Variants in RNASEH2C observed in about 807,000 individuals in gnomAD.
The protein encoded by RNASEH2C is RNase H1 small subunit.
In RNASEH2C, 20 loss-of-function variants were observed where a neutral mutation model predicts 16.3. That is an observed-to-expected ratio of 1.23 (90% CI 0.86 to 1.79). The LOEUF is 1.79. Ranked by LOEUF, RNASEH2C falls within the 40% of genes most tolerant of loss-of-function variation. The pLI is 0.00. For missense variants in RNASEH2C, 296 were observed against 235.9 expected, an observed-to-expected ratio of 1.25 and a Z score of -1.67; for synonymous variants, 106 against 98.9, an observed-to-expected ratio of 1.07 and a Z score of -0.43.
At position 65,720,141 on chromosome 11, in the gene RNASEH2C, G is replaced by A; in HGVS notation, c.372C>T (p.Ala124=). ...CCCACAGGGTGAAGCGGCTGAAGTT[G>A]GCAGTGGCTCCAATGAAGCGGTCCT... ...RDFDRFIGAT[A]NFSRFTLWGL... Residue 124 remains alanine (A), a synonymous_variant, in exon 3 of 4, where the codon GCC becomes GCT. Coordinates refer to ENST00000308418, the MANE Select transcript of RNASEH2C (RefSeq NM_032193.4). 6 of 1,614,230 alleles carry A rather than the reference G, an allele frequency of 3.7e-6. No individual in the cohort carries two copies. Among genetic ancestry groups the A allele is most frequent in the Non-Finnish European group, 5.1e-6 (6 of 1,180,042 alleles).
chr11:65,719,945 T>TC, intron 3 of RNASEH2C, 100 bp downstream of exon 3: 2 of 1,606,330 alleles, frequency 1.2e-6, no homozygotes, highest in Non-Finnish European at 1.7e-6. Context: ...GAGCTACGCT[T>TC]CCCACACACT....
Position 65,718,868 on chromosome 11 carries a change from C to T in RNASEH2C, c.*915G>A, listed in dbSNP as rs755408654. The stretch of plus-strand genomic sequence containing the variant: ...TCAGGGAACCTGACCTGTGCTCTCC[C>T]ACAGTGAGATTAGTGAAATCACCAG... On this transcript the variant is annotated 3_prime_UTR_variant, in exon 4 of 4. Coordinates refer to ENST00000308418, the MANE Select transcript of RNASEH2C (RefSeq NM_032193.4). 2.0e-5 allele frequency: 32 copies of T among 1,614,006 alleles called. No individual in the cohort carries two copies. The South Asian group carries it at 3.2e-4, about 16-fold the overall frequency.
rs768044949 is a variant in RNASEH2C, at chr11:65,720,637, G to A, written c.122C>T (p.Pro41Leu). 5.8e-6 allele frequency: 9 copies of A among 1,563,700 alleles called. No individual in the cohort carries two copies. In the East Asian group the frequency reaches 2.2e-4, roughly 37 times the overall value. Residue 41 changes from proline to leucine, a missense_variant, in exon 1 of 4, where the codon CCC (proline) becomes CTC (leucine). Transcript: ENST00000308418. ...LLPCEVAVDG[P>L]APVGRFFTPA... The stretch of plus-strand genomic sequence containing the variant: ...CGTGAAGAAGCGCCCCACCGGGGCG[G>A]GCCCGTCCACCGCAACCTCGCAGGG...
chr11:65,719,656 G>A lies in RNASEH2C; in HGVS notation c.*127C>T, dbSNP rs535928573. ...GGGGGAAAGGGCCCATGCTGGCTTA[G>A]GGGCTCTAAGGCGCCCAGACTCACA... On this transcript the variant is annotated 3_prime_UTR_variant, in exon 4 of 4. Transcript: ENST00000308418. 1 of 969,894 alleles carries A rather than the reference G, an allele frequency of 1.0e-6. No homozygotes were observed. The highest frequency in any genetic ancestry group is 1.6e-5 in the African/African-American group (1 of 62,726). The allele number at this position is 969,894 out of a possible 1,614,324, so 60.1% of individuals were successfully genotyped here.
In RNASEH2C at chr11:65,719,827, T is replaced by G; in HGVS notation, c.469-18A>C. The stretch of plus-strand genomic sequence containing the variant: ...GCGTGAATCTGCAACAGGAGTCGCC[T>G]CTACTGTTGGACTTGTAAGACAGGG... On this transcript the variant is annotated intron_variant, in intron 3 of 3. Transcript: ENST00000308418. 1.2e-6 allele frequency: 2 copies of G among 1,613,944 alleles called. No individual in the cohort carries two copies. Among genetic ancestry groups the G allele is most frequent in the Non-Finnish European group, 1.7e-6 (2 of 1,179,820 alleles).
chr11:65,718,841 C>G lies in RNASEH2C; in HGVS notation c.*942G>C. On this transcript the variant is annotated 3_prime_UTR_variant, in exon 4 of 4. Transcript: ENST00000308418. Reference sequence around the variant, plus strand: ...AGGGCTCCTGGGGACAGATAAAGGTCCTCAGGGAACCTGACCTGTGCTCTC... The same window carrying G: ...AGGGCTCCTGGGGACAGATAAAGGTGCTCAGGGAACCTGACCTGTGCTCTC... The G allele has an allele frequency of 3.7e-6, 6 of 1,613,706 alleles. No homozygotes were observed. Among genetic ancestry groups the G allele is most frequent in the Non-Finnish European group, 5.1e-6 (6 of 1,179,662 alleles).
At position 65,720,668 on chromosome 11, in the gene RNASEH2C, G is replaced by A; in HGVS notation, c.91C>T (p.Leu31=). Residue 31 remains leucine, a synonymous_variant, in exon 1 of 4, where the codon CTG becomes TTG. Coordinates refer to ENST00000308418, the MANE Select transcript of RNASEH2C (RefSeq NM_032193.4). Reference sequence around the variant, plus strand: ...TCCACCGCAACCTCGCAGGGCAGCAGATGCAGTGTGGCGGGTACGGCGTCG... The same window carrying A: ...TCCACCGCAACCTCGCAGGGCAGCAAATGCAGTGTGGCGGGTACGGCGTCG... ...LRDAVPATLH[L]LPCEVAVDGP... The A allele has an allele frequency of 6.3e-7, 1 of 1,597,998 alleles. No homozygotes were observed. The highest frequency in any genetic ancestry group is 8.5e-7 in the Non-Finnish European group (1 of 1,175,046).
chr11:65,718,132 T>TA lies in RNASEH2C; in HGVS notation c.*1650dup, dbSNP rs1484395026. On this transcript the variant is annotated 3_prime_UTR_variant, in exon 4 of 4. Coordinates refer to ENST00000308418, the MANE Select transcript of RNASEH2C (RefSeq NM_032193.4). Reference sequence around the variant, plus strand: ...CCACCCAGTCAGGCCACTCAAGTCTTACAGCAGGTGACACTCCCAAGGTCC... The same window carrying TA: ...CCACCCAGTCAGGCCACTCAAGTCTTAACAGCAGGTGACACTCCCAAGGTCC... The TA allele has an allele frequency of 6.4e-6, 1 of 156,818 alleles. No homozygotes were observed. Among genetic ancestry groups the TA allele is most frequent in the Non-Finnish European group, 1.4e-5 (1 of 70,904 alleles). 9.7% of individuals were successfully genotyped at this position (156,818 alleles called of 1,614,324 possible).
At position 65,720,292 on chromosome 11, in the gene RNASEH2C, G is replaced by GC; in HGVS notation, c.297dup (p.Arg100AlafsTer6). On this transcript the variant is annotated frameshift_variant, in exon 2 of 4. Transcript: ENST00000308418. LOFTEE classifies it high-confidence loss of function. Reference sequence around the variant, plus strand: ...TCTTGGTCGTCAGTCCCGGAATCCCGCAAGGGGTCTGGCTTCCCCATCGAC... The same window carrying GC: ...TCTTGGTCGTCAGTCCCGGAATCCCGCCAAGGGGTCTGGCTTCCCCATCGAC... 1 of 1,614,206 alleles carries GC rather than the reference G, an allele frequency of 6.2e-7. No individual in the cohort carries two copies.
In RNASEH2C at chr11:65,718,417, A is replaced by G. The variant is rs2135644578; in HGVS notation, c.*1366T>C. On this transcript the variant is annotated 3_prime_UTR_variant, in exon 4 of 4. Transcript: ENST00000308418. ...TGTGCTCAGCGCACGGAAAGAGTGA[A>G]TACTCAGTTCTTCCTGAGGGAACTG... The G allele has an allele frequency of 1.5e-6, 1 of 679,734 alleles. No homozygotes were observed. The highest frequency in any genetic ancestry group is 2.5e-5 in the East Asian group (1 of 39,988). The allele number at this position is 679,734 out of a possible 1,614,324, so 42.1% of individuals were successfully genotyped here. A position where few individuals can be genotyped will look rare whatever the true frequency, so the allele number is the denominator to read the frequency against.
Position 65,719,685 on chromosome 11 carries a change from G to T in RNASEH2C, c.*98C>A. ...CTCTAAGGCGCCCAGACTCACAGGT[G>T]CTGTGAAGAGCTCCTTTATTGGGGT... On this transcript the variant is annotated 3_prime_UTR_variant, in exon 4 of 4. Transcript: ENST00000308418. 1 of 1,300,898 alleles carries T rather than the reference G, an allele frequency of 7.7e-7. No individual in the cohort carries two copies. The allele number at this position is 1,300,898 out of a possible 1,614,324, so 80.6% of individuals were successfully genotyped here.
chr11:65,719,052 G>A lies in RNASEH2C; in HGVS notation c.*731C>T, dbSNP rs1459863884. ...AACCCATCTCCTCTGCCCAGGGCCA[G>A]TACATCCTCACACTGTCAGAGGACA... On this transcript the variant is annotated 3_prime_UTR_variant, in exon 4 of 4. Transcript: ENST00000308418. 1 of 1,614,180 alleles carries A rather than the reference G, an allele frequency of 6.2e-7. No individual in the cohort carries two copies. The highest frequency in any genetic ancestry group is 1.1e-5 in the South Asian group (1 of 91,070).
At position 65,719,096 on chromosome 11, in the gene RNASEH2C, G is replaced by A. The variant is rs1323583613; in HGVS notation, c.*687C>T. The A allele has an allele frequency of 3.7e-6, 6 of 1,614,040 alleles. No individual in the cohort carries two copies. Among genetic ancestry groups the A allele is most frequent in the East Asian group, 2.2e-5 (1 of 44,892 alleles). On this transcript the variant is annotated 3_prime_UTR_variant, in exon 4 of 4. Coordinates refer to ENST00000308418, the MANE Select transcript of RNASEH2C (RefSeq NM_032193.4). Reference sequence around the variant, plus strand: ...GAGGACATCGTGGATGGCCATGAGCGGGCCATGCTCAAGCGGCTCCTGCGG... The same window carrying A: ...GAGGACATCGTGGATGGCCATGAGCAGGCCATGCTCAAGCGGCTCCTGCGG...
rs886048500 is a variant in RNASEH2C at position 65,719,756 on chromosome 11, G to A, written c.*27C>T. 1.2e-6 allele frequency: 2 copies of A among 1,611,804 alleles called. No homozygotes were observed. Among genetic ancestry groups the A allele is most frequent in the Middle Eastern group, 1.7e-4 (1 of 5,992 alleles). On this transcript the variant is annotated 3_prime_UTR_variant, in exon 4 of 4. Transcript: ENST00000308418. ...GCTGGTTTACTGCTGTGAAGGGATC[G>A]CAGCTTTGAATTTCAAGCTCTGGTT...
At position 65,720,406 on chromosome 11, in the gene RNASEH2C, A is replaced by G; in HGVS notation, c.184T>C (p.Ser62Pro). Reference protein sequence around the residue: ...IRQGPEGLEVSFRGRCLRGEE... With the variant: ...IRQGPEGLEVPFRGRCLRGEE... ...CCCCGTAGACAGCGGCCCCGAAACG[A>G]CACTTCGAGTCCTGGAGCGGGAGGC... Residue 62 changes from serine to proline, a missense_variant, in exon 2 of 4, where the codon TCG becomes CCG. Coordinates refer to ENST00000308418, the MANE Select transcript of RNASEH2C (RefSeq NM_032193.4). The G allele has an allele frequency of 6.2e-7, 1 of 1,613,996 alleles. No homozygotes were observed. The highest frequency in any genetic ancestry group is 8.5e-7 in the Non-Finnish European group (1 of 1,180,024).
chr11:65,720,266 C>G lies in RNASEH2C; in HGVS notation c.324G>C (p.Glu108Asp), dbSNP rs1857349997. Residue 108 changes from glutamate (E) to aspartate (D), a missense_variant, in exon 2 of 4, where the codon GAG becomes GAC. Glu to Asp is a conservative substitution (Grantham distance 45). Transcript: ENST00000308418. ...PLRDSGTDDQ[E>D]EEPLERDFDR... ...CGAAGTCCCGCTCCAGCGGCTCCTC[C>G]TCTTGGTCGTCAGTCCCGGAATCCC... 6.2e-7 allele frequency: 1 copy of G among 1,614,290 alleles called. No individual in the cohort carries two copies. Among genetic ancestry groups the G allele is most frequent in the South Asian group, 1.1e-5 (1 of 91,084 alleles).
At position 65,718,591 on chromosome 11, in the gene RNASEH2C, C is replaced by T. The variant is rs555206742; in HGVS notation, c.*1192G>A. 14 of 1,614,060 alleles carry T rather than the reference C, an allele frequency of 8.7e-6. No individual in the cohort carries two copies. Among genetic ancestry groups the T allele is most frequent in the African/African-American group, 1.3e-5 (1 of 75,054 alleles). On this transcript the variant is annotated 3_prime_UTR_variant, in exon 4 of 4. Coordinates refer to ENST00000308418, the MANE Select transcript of RNASEH2C (RefSeq NM_032193.4). Reference sequence around the variant, plus strand: ...CCCTCTCCTGCTCCATTGCTTTAGGCTATGAACTCTCCAAAGTGGAAGGGA... The same window carrying T: ...CCCTCTCCTGCTCCATTGCTTTAGGTTATGAACTCTCCAAAGTGGAAGGGA...
rs1857283844 is a variant in RNASEH2C, at chr11:65,718,526, T to G, written c.*1257A>C. On this transcript the variant is annotated 3_prime_UTR_variant, in exon 4 of 4. Transcript: ENST00000308418. Reference sequence around the variant, plus strand: ...GGCAGCCTGCCTTGGCAACCTGTGTTTTTAAATGTTGCTTATGTTCATCTG... The same window carrying G: ...GGCAGCCTGCCTTGGCAACCTGTGTGTTTAAATGTTGCTTATGTTCATCTG... 4.5e-6 allele frequency: 7 copies of G among 1,551,468 alleles called. No individual in the cohort carries two copies. Among genetic ancestry groups the G allele is most frequent in the Non-Finnish European group, 6.1e-6 (7 of 1,138,250 alleles).
Position 65,718,377 on chromosome 11 carries a change from C to T in RNASEH2C, c.*1406G>A, listed in dbSNP as rs1398082992. 1.8e-5 allele frequency: 10 copies of T among 542,702 alleles called. No individual in the cohort carries two copies. In the Admixed American group the frequency reaches 2.5e-4, roughly 14 times the overall value. 33.6% of individuals were successfully genotyped at this position (542,702 alleles called of 1,614,324 possible). ...TGACTGCAGCTGCTCCTCTCAGTGCCCTCATGCCCTCCACTGTGCTCAGCG... is the reference window on the plus strand; with the variant it reads ...TGACTGCAGCTGCTCCTCTCAGTGCTCTCATGCCCTCCACTGTGCTCAGCG... On this transcript the variant is annotated 3_prime_UTR_variant, in exon 4 of 4. Coordinates refer to ENST00000308418, the MANE Select transcript of RNASEH2C (RefSeq NM_032193.4).
Sources: gnomAD v4.1 joint callset for allele counts on GRCh38, gnomAD v4.1.1 for gene constraint, MANE v1.5 for transcripts, NCBI Gene and HGNC (gene_info 2026-07-23, HGNC 2026-07-21) for gene names.